COX15: variants seen among roughly 807,000 people sequenced by gnomAD.
The protein encoded by COX15 is cytochrome c oxidase assembly factor COX15.
In COX15, 51 loss-of-function variants were observed where a neutral mutation model predicts 51.9. The ratio of observed to expected loss-of-function variants is 0.98; its 90% CI spans 0.78 to 1.24. COX15 has a LOEUF of 1.24. Ranked by LOEUF, COX15 falls within the 50% of genes most tolerant of loss-of-function variation. The pLI, the probability that COX15 is intolerant of heterozygous loss-of-function variation, is 0.00. For missense variants in COX15, 420 were observed against 501.1 expected, an observed-to-expected ratio of 0.84 and a Z score of 1.55; for synonymous variants, 188 against 190.5, an observed-to-expected ratio of 0.99 and a Z score of 0.11.
the COX15 span, among the ~76,000 whole-genome samples, chr10:99,699,781 G>T: frequency 4.6e-5 from 7 of 152,108 alleles, no homozygotes; most frequent in Non-Finnish European, 8.8e-5. Flanking sequence ...GGCCAGGCTG[G>T]TTTGGAACTC....
intron 6 of COX15, among the ~76,000 whole-genome samples, chr10:99,720,540 A>G (rs1383932751): frequency 1.3e-5 from 2 of 152,202 alleles, no homozygotes; most frequent in Non-Finnish European, 2.9e-5. Flanking sequence ...TCTCTGACCC[A>G]TGTTGATGTA....
Position 99,713,386 on chromosome 10 carries a change from A to G in COX15, c.*1201T>C, listed in dbSNP as rs747947854. The G allele has an allele frequency of 3.7e-6, 6 of 1,613,754 alleles. No homozygotes were observed. Among genetic ancestry groups the G allele is most frequent in the Middle Eastern group, 1.6e-4 (1 of 6,084 alleles). On this transcript the variant is annotated 3_prime_UTR_variant, in exon 9 of 9. Transcript: ENST00000016171. ...AGTTGCCACTGTCATCTATTATATT[A>G]GCAATATTGGGTTGCTCCATCCTCA...
intron 8 of COX15, among the ~76,000 whole-genome samples, chr10:99,715,348 AG>A (rs1273683051): frequency 4.6e-5 from 7 of 152,182 alleles, no homozygotes; most frequent in African/African-American, 1.4e-4. Context: ...CATGTTGGCC[AG>A]GCTGGTCTTG....
intron 4 of COX15, among the ~76,000 whole-genome samples, chr10:99,725,195 G>A (rs2036910159): frequency 6.6e-6 from 1 of 152,190 alleles, no homozygotes; most frequent in Admixed American, 6.5e-5. Flanking sequence ...AGTAGAATCA[G>A]GTCAAAGAGG....
chr10:99,700,811 G>T, the COX15 span: 123 of 681,204 alleles, frequency 1.8e-4, no homozygotes, highest in African/African-American at 2.0e-3. Context: ...GGAATAAACA[G>T]GGGTATGACG....
At chr10:99,724,188 T>G (rs2133607789) in intron 4 of COX15, 65 bp from the exon 5 acceptor site, 10 of 1,594,584 alleles carry the variant, frequency 6.3e-6, no homozygotes, top group South Asian at 3.3e-5. Flanking sequence ...CTTTCTTTTT[T>G]TTGTTGTTTT....
chr10:99,726,883 G>A (rs1393576795), intron 4 of COX15, 85 bp downstream of exon 4: 45 of 1,034,220 alleles, frequency 4.4e-5, no homozygotes, highest in African/African-American at 2.8e-4. Flanking sequence ...GCGAGACTCC[G>A]TCTCAAAAAA....
At chr10:99,718,606 C>T in intron 6 of COX15, 106 bp from the exon 7 acceptor site, 1 of 1,159,684 alleles carries the variant, frequency 8.6e-7, no homozygotes, top group South Asian at 1.2e-5. Context: ...ACTAAGGGAA[C>T]AGTCAGAGAA....
the COX15 span, among the ~76,000 whole-genome samples, chr10:99,701,770 G>A: frequency 1.9e-4 from 29 of 151,742 alleles, no homozygotes; most frequent in African/African-American, 6.3e-4. Flanking sequence ...TAAAATTGCC[G>A]GGCATGGTGG....
downstream of COX15, among the ~76,000 whole-genome samples, chr10:99,707,671 C>T (rs2133540434): frequency 6.6e-6 from 1 of 152,310 alleles, no homozygotes; most frequent in Non-Finnish European, 1.5e-5. Context: ...TGAGACAGGT[C>T]ACAAACATCA....
At chr10:99,709,019 G>A (rs979975478), downstream of COX15, 1 of 984,816 alleles carries the variant, frequency 1.0e-6, no homozygotes, top group African/African-American at 1.7e-5. Context: ...GTCAGAAATA[G>A]TGCCAAGTTT....
At chr10:99,702,480 T>G in the COX15 span, 2 of 1,505,762 alleles carry the variant, frequency 1.3e-6, no homozygotes, top group East Asian at 5.0e-5. Context: ...TCTTTTCTCT[T>G]TTTTTAAAAT....
intron 1 of COX15, among the ~76,000 whole-genome samples, chr10:99,730,658 T>C (rs1398503626): frequency 3.3e-5 from 5 of 152,230 alleles, no homozygotes; most frequent in Admixed American, 6.5e-5. Flanking sequence ...TATGACTTAT[T>C]GCTCTTAGGC....
chr10:99,731,930 C>G (rs777261170), intron 1 of COX15, 30 bp downstream of exon 1: 1 of 1,591,510 alleles, frequency 6.3e-7, no homozygotes, highest in South Asian at 1.1e-5. Context: ...TCCCCGCTCC[C>G]GCGACTCGGA....
chr10:99,718,298 A>G (rs1317180620), intron 7 of COX15, 48 bp downstream of exon 7: 3 of 1,610,186 alleles, frequency 1.9e-6, no homozygotes, highest in East Asian at 4.5e-5. Context: ...CCCAAAGCCT[A>G]TGATAGGCTC....
chr10:99,708,689 G>A (rs1432579192), downstream of COX15: 3 of 397,246 alleles, frequency 7.6e-6, no homozygotes, highest in African/African-American at 6.6e-5. Flanking sequence ...TGGGAACAGA[G>A]TTTCTAATAG....
chr10:99,714,668 G>A lies in COX15; in HGVS notation c.1152C>T (p.Ala384=), dbSNP rs140937743. The change falls in exon 9 of 9, where the codon GCC becomes GCT. Residue 384 remains alanine, a synonymous_variant. Coordinates refer to ENST00000016171, the MANE Select transcript of COX15 (RefSeq NM_078470.6). ...TLLMYVPTPL[A]ATHQSGSLAL... is the part of the protein sequence containing the mutation. ...CCAAGGAGCCTGACTGGTGAGTGGC[G>A]GCCAGAGGAGTTGGGACATACATCA... 1.3e-5 allele frequency: 21 copies of A among 1,613,848 alleles called. No homozygotes were observed. Among genetic ancestry groups the A allele is most frequent in the East Asian group, 6.7e-5 (3 of 44,884 alleles).
At chr10:99,716,783 C>T in intron 7 of COX15, 1 of 322,258 alleles carries the variant, frequency 3.1e-6, no homozygotes, top group Non-Finnish European at 6.1e-6. Context: ...CATCCTTATC[C>T]CTAACCATAT....
chr10:99,718,992 A>G (rs1046585225), intron 6 of COX15, among the ~76,000 whole-genome samples: 1 of 152,106 alleles, frequency 6.6e-6, no homozygotes. Context: ...ATTTTTCTTC[A>G]TGGCACTAAA....
Sources: allele counts gnomAD v4.1 joint callset (sites outside exome capture counted in the v4.1 genomes callset), GRCh38; gene constraint gnomAD v4.1.1; transcripts MANE v1.5; gene names NCBI Gene and HGNC (gene_info 2026-07-23, HGNC 2026-07-21).